Variants in TGFBR3 observed in about 807,000 individuals in gnomAD.
TGFBR3 encodes the protein transforming growth factor beta receptor 3.
A neutral mutation model predicts 87.9 loss-of-function variants in TGFBR3; 46 were observed. The ratio of observed to expected loss-of-function variants is 0.52; its 90% CI spans 0.41 to 0.67. The LOEUF (loss-of-function observed/expected upper bound fraction) is 0.67, where lower values mean the gene tolerates loss of function less well. Ranked by LOEUF, TGFBR3 falls within the 30% of genes least tolerant of loss-of-function variation. TGFBR3 has a pLI of 0.00. For synonymous variants in TGFBR3, 381 were observed against 391.6 expected (o/e 0.97, Z 0.32); for missense variants, 866 against 1,041.9 (o/e 0.83, Z 2.32).
intron 2 of TGFBR3, among the ~76,000 whole-genome samples, chr1:91,834,441 T>C (rs1435937197): frequency 6.6e-6 from 1 of 152,224 alleles, no homozygotes; most frequent in South Asian, 2.1e-4. Context: ...GCATGACATA[T>C]GAGTGTTTAT....
chr1:91,697,092 G>A (rs1025918885), intron 15 of TGFBR3, among the ~76,000 whole-genome samples: 5 of 152,158 alleles, frequency 3.3e-5, no homozygotes, highest in East Asian at 1.9e-4. Context: ...AAGTTGAACC[G>A]AGCCATCAAC....
chr1:91,858,205 A>C (rs1486198726), intron 2 of TGFBR3, among the ~76,000 whole-genome samples: 1 of 152,220 alleles, frequency 6.6e-6, no homozygotes, highest in African/African-American at 2.4e-5. Context: ...TGAAATATTC[A>C]TCATTGTTAT....
chr1:91,720,657 T>G (rs1193696721), intron 8 of TGFBR3, among the ~76,000 whole-genome samples: 1 of 152,252 alleles, frequency 6.6e-6, no homozygotes, highest in Non-Finnish European at 1.5e-5. Flanking sequence ...AACTGCAATG[T>G]GCACCTAAGA....
intron 2 of TGFBR3, among the ~76,000 whole-genome samples, chr1:91,841,513 G>A (rs1677277413): frequency 6.6e-6 from 1 of 151,986 alleles, no homozygotes; most frequent in Admixed American, 6.6e-5. Flanking sequence ...AAAAATAGTT[G>A]GCCAGGCGCA....
chr1:91,719,821 T>A, intron 9 of TGFBR3, 72 bp downstream of exon 9: 1 of 1,534,182 alleles, frequency 6.5e-7, no homozygotes, highest in Non-Finnish European at 9.0e-7. Flanking sequence ...TAGGGAGAAA[T>A]TACAGATGCA....
intron 2 of TGFBR3, among the ~76,000 whole-genome samples, chr1:91,830,665 A>C (rs12726500): frequency 0.33 from 49,584 of 151,860 alleles, 8,266 homozygotes; most frequent in Non-Finnish European, 0.36. Context: ...CAGATACACA[A>C]GTGATTTCAG....
At position 91,729,963 on chromosome 1, in the gene TGFBR3, G is replaced by T; in HGVS notation, c.579C>A (p.Phe193Leu). The change falls in exon 6 of 17, where the codon TTC becomes TTA. Residue 193 changes from phenylalanine to leucine, a missense_variant. Coordinates refer to ENST00000212355, the MANE Select transcript of TGFBR3 (RefSeq NM_003243.5). ...TCTTCCCTATGTTGCACTTTGGAGG[G>T]AACACTTGATCTGAAAGAGGCACAG... The part of the protein sequence containing the change: ...IYIKVGEDQV[F>L]PPKCNIGKNF... 1 of 1,614,108 alleles carries T rather than the reference G, an allele frequency of 6.2e-7. No homozygotes were observed. The highest frequency in any genetic ancestry group is 8.5e-7 in the Non-Finnish European group (1 of 1,180,002).
chr1:91,791,614 G>C (rs1675196316), intron 3 of TGFBR3, among the ~76,000 whole-genome samples: 4 of 152,208 alleles, frequency 2.6e-5, no homozygotes, highest in Admixed American at 2.6e-4. Flanking sequence ...CAGCAGACTA[G>C]CAGGTTCTGT....
intron 1 of TGFBR3, among the ~76,000 whole-genome samples, chr1:91,877,735 G>A (rs1678859307): frequency 6.6e-6 from 1 of 152,184 alleles, no homozygotes; most frequent in Non-Finnish European, 1.5e-5. Flanking sequence ...TGGCTGTACA[G>A]CTATTGTAAC....
intron 4 of TGFBR3, among the ~76,000 whole-genome samples, chr1:91,747,236 TG>T (rs1673380524): frequency 1.3e-5 from 2 of 152,250 alleles, no homozygotes; most frequent in South Asian, 4.1e-4. Context: ...GTGAGGGAAC[TG>T]ACTGGCTCAC....
chr1:91,836,679 T>C (rs1677081233), intron 2 of TGFBR3, among the ~76,000 whole-genome samples: 1 of 152,272 alleles, frequency 6.6e-6, no homozygotes, highest in Middle Eastern at 3.4e-3. Context: ...TTATAATATA[T>C]GCTGAGTTAA....
intron 16 of TGFBR3, among the ~76,000 whole-genome samples, chr1:91,694,567 G>A (rs60851495): frequency 0.16 from 25,053 of 152,210 alleles, 2,268 homozygotes; most frequent in Non-Finnish European, 0.2. Context: ...ACAGCTTGAC[G>A]TTTTGTCTAG....
intron 3 of TGFBR3, among the ~76,000 whole-genome samples, chr1:91,760,503 A>C (rs1673920903): frequency 6.6e-6 from 1 of 152,212 alleles, no homozygotes; most frequent in Non-Finnish European, 1.5e-5. Flanking sequence ...AACACACACA[A>C]TAAATATTGA....
intron 2 of TGFBR3, among the ~76,000 whole-genome samples, chr1:91,822,329 A>G (rs1427925868): frequency 7.0e-6 from 1 of 142,034 alleles, no homozygotes; most frequent in African/African-American, 2.6e-5. Flanking sequence ...AAAAAGATGA[A>G]TCTTAGTGTG....
intron 3 of TGFBR3, among the ~76,000 whole-genome samples, chr1:91,789,049 G>C (rs981829045): frequency 6.6e-6 from 1 of 152,166 alleles, no homozygotes; most frequent in African/African-American, 2.4e-5. Context: ...TGTAATCCCA[G>C]CACTTTGGGA....
chr1:91,824,891 C>T (rs1174486533), intron 2 of TGFBR3, among the ~76,000 whole-genome samples: 6 of 149,410 alleles, frequency 4.0e-5, no homozygotes, highest in Admixed American at 6.7e-5. Flanking sequence ...ACATGGGAGG[C>T]GGAGGCTGCA....
intron 3 of TGFBR3, 85 bp downstream of exon 3, chr1:91,797,197 AACCCC>A: frequency 7.2e-7 from 1 of 1,391,412 alleles, no homozygotes; most frequent in Non-Finnish European, 1.0e-6. Flanking sequence ...TCTTTTGTTG[AACCCC>A]AGAAGAGAAG....
At position 91,682,337 on chromosome 1, in the gene TGFBR3, G is replaced by T. The variant is rs926626793; in HGVS notation, c.*1402C>A. 25 of 448,936 alleles carry T rather than the reference G, an allele frequency of 5.6e-5. No homozygotes were observed. Among genetic ancestry groups the T allele is most frequent in the Non-Finnish European group, 9.3e-5 (21 of 225,568 alleles). 27.8% of individuals were successfully genotyped at this position (448,936 alleles called of 1,614,324 possible). A position where few individuals can be genotyped will look rare whatever the true frequency, so the allele number is the denominator to read the frequency against. ...TTGTTTGGGGGAAATTCTGGAAAAA[G>T]AATAATTTGCAATGAAGCTATCTTC... On this transcript the variant is annotated 3_prime_UTR_variant, in exon 17 of 17. Coordinates refer to ENST00000212355, the MANE Select transcript of TGFBR3 (RefSeq NM_003243.5).
intron 2 of TGFBR3, among the ~76,000 whole-genome samples, chr1:91,816,827 GTACT>G (rs1676245753): frequency 6.6e-6 from 1 of 152,040 alleles, no homozygotes; most frequent in Admixed American, 6.6e-5. Context: ...AGAATACAAA[GTACT>G]TACTTTTTTT....
Sources: gnomAD v4.1 joint callset for allele counts (sites outside exome capture counted in the v4.1 genomes callset) on GRCh38, gnomAD v4.1.1 for gene constraint, MANE v1.5 for transcripts, NCBI Gene and HGNC (gene_info 2026-07-23, HGNC 2026-07-21) for gene names.